FAM91A1: variants seen among roughly 807,000 people sequenced by gnomAD.
FAM91A1 encodes the protein family with sequence similarity 91 member A1.
In FAM91A1, 41 loss-of-function variants were observed where a neutral mutation model predicts 113.5. The observed-to-expected ratio is 0.36, with a 90% confidence interval of 0.28 to 0.47. The LOEUF is 0.47. Ranked by LOEUF, FAM91A1 falls within the 20% of genes least tolerant of loss-of-function variation. The probability of loss-of-function intolerance (pLI) is 1.00; values close to 1 mark genes in which losing one functional copy is unlikely to be tolerated. For missense variants in FAM91A1, 696 were observed against 1,001.2 expected, an observed-to-expected ratio of 0.70 and a Z score of 4.11; for synonymous variants, 307 against 347.9, an observed-to-expected ratio of 0.88 and a Z score of 1.31.
intron 20 of FAM91A1, among the ~76,000 whole-genome samples, chr8:123,807,082 C>A (rs533378932): frequency 6.6e-6 from 1 of 152,042 alleles, no homozygotes; most frequent in Non-Finnish European, 1.5e-5. Flanking sequence ...CCATGAGCCT[C>A]TTAGTTTGAA....
chr8:123,803,237 GT>G (rs34024144), intron 18 of FAM91A1, among the ~76,000 whole-genome samples: 46,778 of 145,032 alleles, frequency 0.32, 9,184 homozygotes, highest in African/African-American at 0.58. Flanking sequence ...GCTAAGTTAG[GT>G]TTTTTTTTTT....
At chr8:123,788,236 A>G in intron 14 of FAM91A1, 2 of 985,160 alleles carry the variant, frequency 2.0e-6, no homozygotes, top group Non-Finnish European at 2.4e-6. Flanking sequence ...GCTCTTAACC[A>G]CCTTTTTCCC....
chr8:123,811,665 G>A (rs1360209416), intron 23 of FAM91A1, among the ~76,000 whole-genome samples: 2 of 151,998 alleles, frequency 1.3e-5, no homozygotes, highest in Non-Finnish European at 2.9e-5. Flanking sequence ...GACTGGGGAG[G>A]AAGAGGGGAG....
chr8:123,809,468 A>T (rs1047674515), intron 22 of FAM91A1, among the ~76,000 whole-genome samples: 1 of 152,232 alleles, frequency 6.6e-6, no homozygotes, highest in Non-Finnish European at 1.5e-5. Context: ...ACATTTTCTA[A>T]AATGGATATG....
Position 123,787,292 on chromosome 8 carries a change from G to T in FAM91A1, c.1110G>T (p.Leu370=). 2 of 1,611,542 alleles carry T rather than the reference G, an allele frequency of 1.2e-6. No individual in the cohort carries two copies. The highest frequency in any genetic ancestry group is 1.7e-6 in the Non-Finnish European group (2 of 1,179,582). Residue 370 remains leucine, a synonymous_variant, in exon 13 of 24, where the codon CTG becomes CTT. Transcript: ENST00000334705. The stretch of plus-strand genomic sequence containing the variant: ...CAGCCAGTGTAAGCAGCCTGAGTCT[G>T]TCTACAGGACACACGAAGCGCATCG... The part of the protein sequence containing the change: ...ADTASVSSLS[L]STGHTKRIAF...
At chr8:123,795,601 T>TTAA (rs1815498409) in intron 15 of FAM91A1, among the ~76,000 whole-genome samples, 1 of 152,216 alleles carries the variant, frequency 6.6e-6, no homozygotes, top group Non-Finnish European at 1.5e-5. Flanking sequence ...CATGAGCCAA[T>TTAA]TAAACCTGTT....
At chr8:123,792,532 A>G (rs1815409205) in intron 15 of FAM91A1, among the ~76,000 whole-genome samples, 1 of 152,226 alleles carries the variant, frequency 6.6e-6, no homozygotes, top group Non-Finnish European at 1.5e-5. Context: ...AGTCAGACAT[A>G]AAAACCACTG....
At chr8:123,771,120 C>T (rs760382524) in intron 1 of FAM91A1, among the ~76,000 whole-genome samples, 7 of 152,244 alleles carry the variant, frequency 4.6e-5, no homozygotes, top group Admixed American at 6.5e-5. Flanking sequence ...GATACTGCTC[C>T]TGGGAGGTTT....
Position 123,799,891 on chromosome 8 carries a change from T to G in FAM91A1, c.1809+6T>G, listed in dbSNP as rs1366870223. ...ATTCTGCAGTTTTAATTCAGGTACA[T>G]TTATCTTATTTGAAATTTTGTCTTT... is the stretch of plus-strand genomic sequence containing the variant. On this transcript the variant is annotated splice_donor_region_variant and intron_variant, in intron 18 of 23. Transcript: ENST00000334705. The G allele has an allele frequency of 6.4e-7, 1 of 1,555,978 alleles. No individual in the cohort carries two copies. The highest frequency in any genetic ancestry group is 2.3e-5 in the East Asian group (1 of 43,760).
In FAM91A1 at chr8:123,778,219, C is replaced by T. The variant is rs74580693; in HGVS notation, c.435+127C>T. 6.3e-6 allele frequency: 4 copies of T among 636,712 alleles called. No individual in the cohort carries two copies. The East Asian group carries it at 1.2e-4, about 19-fold the overall frequency. The allele number at this position is 636,712 out of a possible 1,614,324, so 39.4% of individuals were successfully genotyped here. ...AAATGTACTTAACACAGAAACAATA[C>T]AAAAAAAACTCCTCAGTATTCTCTA... On this transcript the variant is annotated intron_variant, in intron 5 of 23. Transcript: ENST00000334705.
chr8:123,802,485 A>G (rs1815709975), intron 18 of FAM91A1, among the ~76,000 whole-genome samples: 1 of 152,094 alleles, frequency 6.6e-6, no homozygotes, highest in Non-Finnish European at 1.5e-5. Flanking sequence ...AAGTGATATC[A>G]TGGGAGGTGG....
Position 123,809,006 on chromosome 8 carries a change from A to C in FAM91A1, c.2251A>C (p.Arg751=), listed in dbSNP as rs771201045. 1 of 1,612,490 alleles carries C rather than the reference A, an allele frequency of 6.2e-7. No homozygotes were observed. The change falls in exon 22 of 24, where the codon AGA becomes CGA. Residue 751 remains arginine, a synonymous_variant. Transcript: ENST00000334705. ...GAAAATTGCTGCACATGGCCTTTGCAGAAAAGAGAGGTGAGGGTTTATATT... is the reference window on the plus strand; with the variant it reads ...GAAAATTGCTGCACATGGCCTTTGCCGAAAAGAGAGGTGAGGGTTTATATT... The part of the protein sequence containing the change: ...CRKIAAHGLC[R]KESLQNLLHS...
chr8:123,806,194 C>G lies in FAM91A1; in HGVS notation c.1997C>G (p.Ala666Gly). The G allele has an allele frequency of 6.2e-7, 1 of 1,613,176 alleles. No individual in the cohort carries two copies. The highest frequency in any genetic ancestry group is 8.5e-7 in the Non-Finnish European group (1 of 1,179,422). The change falls in exon 20 of 24, where the codon GCA becomes GGA. Residue 666 changes from alanine (A) to glycine (G), a missense_variant. By Grantham distance (60) the Ala-to-Gly change is moderately conservative. Coordinates refer to ENST00000334705, the MANE Select transcript of FAM91A1 (RefSeq NM_144963.4). ...VTMLNASSQL[A>G]DRKLSDASDE... ...ATGTTGAATGCTTCCAGCCAACTTGCAGATAGAAAACTCAGTGATGCTTCT... is the reference window on the plus strand; with the variant it reads ...ATGTTGAATGCTTCCAGCCAACTTGGAGATAGAAAACTCAGTGATGCTTCT...
intron 6 of FAM91A1, 77 bp downstream of exon 6, chr8:123,778,849 T>G (rs1336927942): frequency 4.0e-6 from 4 of 995,802 alleles, no homozygotes; most frequent in Non-Finnish European, 5.5e-6. Context: ...AGCTTATAAT[T>G]TTTTAAAAAG....
At chr8:123,811,209 CT>C (rs1815945556) in intron 23 of FAM91A1, 1 of 152,164 alleles carries the variant, frequency 6.6e-6, no homozygotes, top group African/African-American at 2.4e-5. Flanking sequence ...GTGGCAGAAA[CT>C]TCATGAAAGA....
intron 18 of FAM91A1, among the ~76,000 whole-genome samples, chr8:123,801,626 AAT>A (rs1815684263): frequency 6.6e-6 from 1 of 152,232 alleles, no homozygotes; most frequent in Non-Finnish European, 1.5e-5. Flanking sequence ...CAGTTTATCG[AAT>A]AGAATTACAT....
intron 15 of FAM91A1, among the ~76,000 whole-genome samples, chr8:123,795,491 A>G (rs1401755819): frequency 2.0e-5 from 3 of 151,354 alleles, no homozygotes; most frequent in African/African-American, 7.3e-5. Context: ...GGCCATGTTA[A>G]GATGTGCCTG....
intron 5 of FAM91A1, 139 bp downstream of exon 5, chr8:123,778,231 C>T (rs1815035689): frequency 1.7e-6 from 1 of 597,172 alleles, no homozygotes; most frequent in Non-Finnish European, 2.9e-6. Context: ...AAAAAAACTC[C>T]TCAGTATTCT....
chr8:123,798,115 T>C lies in FAM91A1; in HGVS notation c.1437T>C (p.Cys479=), dbSNP rs1284313005. ...NYGFPLDLLR[C]ESLLGLDPAT... Reference sequence around the variant, plus strand: ...GTTTTCCTCTGGATCTCTTACGCTGTGAAAGCCTTCTTGGTTTGGACCCTG... The same window carrying C: ...GTTTTCCTCTGGATCTCTTACGCTGCGAAAGCCTTCTTGGTTTGGACCCTG... Residue 479 remains cysteine (C), a synonymous_variant, in exon 16 of 24, where the codon TGT becomes TGC. Coordinates refer to ENST00000334705, the MANE Select transcript of FAM91A1 (RefSeq NM_144963.4). The C allele has an allele frequency of 6.2e-7, 1 of 1,613,894 alleles. No homozygotes were observed. The highest frequency in any genetic ancestry group is 1.1e-5 in the South Asian group (1 of 91,064).
Sources: allele counts gnomAD v4.1 joint callset (sites outside exome capture counted in the v4.1 genomes callset), GRCh38; gene constraint gnomAD v4.1.1; transcripts MANE v1.5; gene names NCBI Gene and HGNC (gene_info 2026-07-23, HGNC 2026-07-21).